Variants in DACT1 observed in about 807,000 individuals in gnomAD.
The protein encoded by DACT1 is dishevelled binding antagonist of beta catenin 1, also known as dapper homolog 1.
Under a neutral mutation model 35.3 loss-of-function variants are expected in DACT1, and 19 were observed. The observed-to-expected ratio is 0.54, with a 90% CI of 0.38 to 0.79. DACT1 has a LOEUF of 0.79. Ranked by LOEUF, DACT1 falls within the 30% of genes least tolerant of loss-of-function variation. The pLI is 0.00. For missense variants in DACT1, 1,143 were observed against 1,057.5 expected, an observed-to-expected ratio of 1.08 and a Z score of -1.12; for synonymous variants, 545 against 466.7, an observed-to-expected ratio of 1.17 and a Z score of -2.16.
chr14:58,637,386 C>G (rs1443494128), upstream of DACT1, among the ~76,000 whole-genome samples: 1 of 152,254 alleles, frequency 6.6e-6, no homozygotes, highest in Non-Finnish European at 1.5e-5. Context: ...TTTTAGAACA[C>G]TGCATTGTGC....
Position 58,638,250 on chromosome 14 carries a change from G to T in DACT1, c.48G>T (p.Ala16=), listed in dbSNP as rs1216057815. 7.3e-7 allele frequency: 1 copy of T among 1,365,696 alleles called. No homozygotes were observed. Among genetic ancestry groups the T allele is most frequent in the Non-Finnish European group, 9.4e-7 (1 of 1,059,788 alleles). 84.6% of individuals were successfully genotyped at this position (1,365,696 alleles called of 1,614,324 possible). The change falls in exon 1 of 4, where the codon GCG becomes GCT. Residue 16 remains alanine, a synonymous_variant. Coordinates refer to ENST00000395153, the MANE Select transcript of DACT1 (RefSeq NM_001079520.2). ...AGTAKELEPP[A]PARGEQRTAE... ...CGGCGAAGGAGCTGGAGCCTCCGGC[G>T]CCGGCCCGAGGCGAGCAGCGCACGG...
intron 1 of DACT1, among the ~76,000 whole-genome samples, chr14:58,640,527 T>C (rs946229634): frequency 4.6e-5 from 7 of 152,246 alleles, no homozygotes; most frequent in Non-Finnish European, 1.0e-4. Flanking sequence ...AGAAACTTTA[T>C]ATCACCACAA....
At position 58,641,622 on chromosome 14, in the gene DACT1, G is replaced by A. The variant is rs2047627538; in HGVS notation, c.509G>A (p.Gly170Glu). Residue 170 changes from glycine to glutamate, a missense_variant, in exon 3 of 4, where the codon GGA becomes GAA. Transcript: ENST00000395153. Reference protein sequence around the residue: ...GFYELSDGASGSLSNSSNSVF... With the variant: ...GFYELSDGASESLSNSSNSVF... ...TATGAGCTGAGTGATGGGGCTTCAG[G>A]ATCCCTTTCCAATTCCTCTAACTCG... 1 of 1,613,958 alleles carries A rather than the reference G, an allele frequency of 6.2e-7. No individual in the cohort carries two copies. Among genetic ancestry groups the A allele is most frequent in the Non-Finnish European group, 8.5e-7 (1 of 1,180,008 alleles).
At chr14:58,643,846 A>G (rs1230306532) in intron 3 of DACT1, among the ~76,000 whole-genome samples, 1 of 152,018 alleles carries the variant, frequency 6.6e-6, no homozygotes, top group Non-Finnish European at 1.5e-5. Context: ...GAAGGATGTT[A>G]GCTAGAGAGG....
At position 58,647,240 on chromosome 14, in the gene DACT1, C is replaced by A; in HGVS notation, c.*106C>A. ...TTTTGTATAATACTTTAATGGAATGCTTTTTAAAAAAATATAAAACCAAGG... is the reference window on the plus strand; with the variant it reads ...TTTTGTATAATACTTTAATGGAATGATTTTTAAAAAAATATAAAACCAAGG... On this transcript the variant is annotated 3_prime_UTR_variant, in exon 4 of 4. Coordinates refer to ENST00000395153, the MANE Select transcript of DACT1 (RefSeq NM_001079520.2). 1.5e-6 allele frequency: 2 copies of A among 1,334,606 alleles called. No individual in the cohort carries two copies. Among genetic ancestry groups the A allele is most frequent in the Non-Finnish European group, 2.1e-6 (2 of 963,610 alleles). 82.7% of individuals were successfully genotyped at this position (1,334,606 alleles called of 1,614,324 possible). A position where few individuals can be genotyped will look rare whatever the true frequency, so the allele number is the denominator to read the frequency against.
chr14:58,638,219 C>A lies in DACT1; in HGVS notation c.17C>A (p.Ala6Asp). ...CTGGGGGCCATGAAGCCGAGTCCGG[C>A]CGGGACGGCGAAGGAGCTGGAGCCT... is the stretch of plus-strand genomic sequence containing the variant. Reference protein sequence around the residue: MKPSPAGTAKELEPPA... With the variant: MKPSPDGTAKELEPPA... Residue 6 changes from alanine to aspartate, a missense_variant, in exon 1 of 4, where the codon GCC (alanine) becomes GAC (aspartate). Ala to Asp is a moderately radical substitution (Grantham distance 126). Coordinates refer to ENST00000395153, the MANE Select transcript of DACT1 (RefSeq NM_001079520.2). 1 of 1,347,260 alleles carries A rather than the reference C, an allele frequency of 7.4e-7. No individual in the cohort carries two copies. The highest frequency in any genetic ancestry group is 9.5e-7 in the Non-Finnish European group (1 of 1,050,556). The allele number at this position is 1,347,260 out of a possible 1,614,324, so 83.5% of individuals were successfully genotyped here.
rs1181050774 is a variant in DACT1 at position 58,641,627 on chromosome 14, C to T, written c.514C>T (p.Leu172Phe). Residue 172 changes from leucine to phenylalanine, a missense_variant, in exon 3 of 4, where the codon CTT (leucine) becomes TTT (phenylalanine). By Grantham distance (22) the Leu-to-Phe change is conservative (BLOSUM62 0). Around this residue, in one of 3 missense-constraint regions of DACT1, gnomAD observed 1,054 missense variants for 958.8 expected, o/e 1.10. Transcript: ENST00000395153. ...GCTGAGTGATGGGGCTTCAGGATCC[C>T]TTTCCAATTCCTCTAACTCGGTGTT... ...YELSDGASGS[L>F]SNSSNSVFSE... 6.2e-7 allele frequency: 1 copy of T among 1,614,092 alleles called. No homozygotes were observed. The highest frequency in any genetic ancestry group is 8.5e-7 in the Non-Finnish European group (1 of 1,180,010).
rs375472713 is a variant in DACT1, at chr14:58,645,342, A to G, written c.635-27A>G. Reference sequence around the variant, plus strand: ...GTTTGCCGTTCCCTCTCCACACCACAATTTAATTCCCTTGATGTCATTGCA... The same window carrying G: ...GTTTGCCGTTCCCTCTCCACACCACGATTTAATTCCCTTGATGTCATTGCA... On this transcript the variant is annotated intron_variant, in intron 3 of 3. Coordinates refer to ENST00000395153, the MANE Select transcript of DACT1 (RefSeq NM_001079520.2). 41 of 1,614,082 alleles carry G rather than the reference A, an allele frequency of 2.5e-5. No individual in the cohort carries two copies. The highest frequency in any genetic ancestry group is 3.3e-5 in the Admixed American group (2 of 60,000).
chr14:58,638,786 G>C, intron 1 of DACT1: 1 of 1,190,406 alleles, frequency 8.4e-7, no homozygotes, highest in Non-Finnish European at 1.0e-6. Flanking sequence ...CGCGCGGATT[G>C]CGGGAAGGGG....
At position 58,646,485 on chromosome 14, in the gene DACT1, A is replaced by G. The variant is rs2047684497; in HGVS notation, c.1751A>G (p.Asn584Ser). 1.3e-6 allele frequency: 2 copies of G among 1,566,880 alleles called. No individual in the cohort carries two copies. The highest frequency in any genetic ancestry group is 1.7e-4 in the Middle Eastern group (1 of 5,956). Reference protein sequence around the residue: ...KCRFPDDLDTNKKLKKASSKG... With the variant: ...KCRFPDDLDTSKKLKKASSKG... ...CGCTTCCCAGATGACTTGGATACAA[A>G]TAAGAAACTCAAGAAAGCCTCCTCC... is the stretch of plus-strand genomic sequence containing the variant. Residue 584 changes from asparagine to serine, a missense_variant, in exon 4 of 4, where the codon AAT becomes AGT. By Grantham distance (46) the Asn-to-Ser change is conservative. Around this residue, in one of 3 missense-constraint regions of DACT1, gnomAD observed 1,054 missense variants for 958.8 expected, o/e 1.10. Transcript: ENST00000395153.
chr14:58,638,422 C>T lies in DACT1; in HGVS notation c.220C>T (p.Arg74Cys), dbSNP rs899629060. The change falls in exon 1 of 4, where the codon CGC becomes TGC. Residue 74 changes from arginine to cysteine, a missense_variant. Around this residue, in one of 3 missense-constraint regions of DACT1, gnomAD observed 1,054 missense variants for 958.8 expected, o/e 1.10. Coordinates refer to ENST00000395153, the MANE Select transcript of DACT1 (RefSeq NM_001079520.2). ...RQELLVRGAL[R>C]GAGGAGAAAP... is the part of the protein sequence containing the mutation. ...AGAGCTGCTGGTCAGGGGCGCCCTG[C>T]GCGGCGCCGGGGGTGCGGGAGCCGC... The T allele has an allele frequency of 6.8e-6, 9 of 1,314,724 alleles. No individual in the cohort carries two copies. The highest frequency in any genetic ancestry group is 3.0e-5 in the East Asian group (1 of 33,712). 81.4% of individuals were successfully genotyped at this position (1,314,724 alleles called of 1,614,324 possible). A position where few individuals can be genotyped will look rare whatever the true frequency, so the allele number is the denominator to read the frequency against.
rs760332340 is a variant in DACT1, at chr14:58,646,051, G to A, written c.1317G>A (p.Lys439=). 1.2e-6 allele frequency: 2 copies of A among 1,614,082 alleles called. No homozygotes were observed. Among genetic ancestry groups the A allele is most frequent in the East Asian group, 4.5e-5 (2 of 44,878 alleles). The change falls in exon 4 of 4, where the codon AAG becomes AAA. Residue 439 remains lysine (K), a synonymous_variant. Transcript: ENST00000395153. ...CSAIGTGESP[K]ESAQLSGASP... is the part of the protein sequence containing the mutation. ...CCATTGGGACAGGGGAGTCCCCTAAGGAAAGCGCTCAGCTCTCAGGGGCCT... is the reference window on the plus strand; with the variant it reads ...CCATTGGGACAGGGGAGTCCCCTAAAGAAAGCGCTCAGCTCTCAGGGGCCT...
At position 58,641,737 on chromosome 14, in the gene DACT1, C is replaced by G. The variant is rs1595597526; in HGVS notation, c.624C>G (p.Pro208=). ...EATLSLSDGC[P]KSADVNPKYQ... ...CCTTGAGTCTCTCAGATGGTTGCCC[C>G]AAATCTGCAGGTAAGAATTTTTAGC... Residue 208 remains proline, a synonymous_variant, in exon 3 of 4, where the codon CCC becomes CCG. Coordinates refer to ENST00000395153, the MANE Select transcript of DACT1 (RefSeq NM_001079520.2). The G allele has an allele frequency of 6.2e-7, 1 of 1,613,054 alleles. No individual in the cohort carries two copies. The highest frequency in any genetic ancestry group is 8.5e-7 in the Non-Finnish European group (1 of 1,179,776).
In DACT1 at chr14:58,645,963, T is replaced by C; in HGVS notation, c.1229T>C (p.Leu410Pro). The C allele has an allele frequency of 6.2e-7, 1 of 1,613,832 alleles. No homozygotes were observed. The highest frequency in any genetic ancestry group is 8.5e-7 in the Non-Finnish European group (1 of 1,180,006). Residue 410 changes from leucine (L) to proline (P), a missense_variant, in exon 4 of 4, where the codon CTT (leucine) becomes CCT (proline). Leu to Pro is a moderately conservative substitution (Grantham distance 98). Coordinates refer to ENST00000395153, the MANE Select transcript of DACT1 (RefSeq NM_001079520.2). ...TGCCCCTCAGGCGCTGCCTCCGACC[T>C]TCAGAGTAAGCACCTGCCAAAAACG... The part of the protein sequence containing the change: ...EGCPSGAASD[L>P]QSKHLPKTAK...
rs775769754 is a variant in DACT1, at chr14:58,646,526, G to A, written c.1792G>A (p.Gly598Arg). Residue 598 changes from glycine to arginine, a missense_variant, in exon 4 of 4, where the codon GGG (glycine) becomes AGG (arginine). By Grantham distance (125) the Gly-to-Arg change is moderately radical (BLOSUM62 -2). Coordinates refer to ENST00000395153, the MANE Select transcript of DACT1 (RefSeq NM_001079520.2). ...KKASSKGRKS[G>R]GGPEAGVPGR... ...AGCCTCCTCCAAGGGGAGGAAGAGTGGGGGCGGGCCCGAGGCTGGTGTTCC... is the reference window on the plus strand; with the variant it reads ...AGCCTCCTCCAAGGGGAGGAAGAGTAGGGGCGGGCCCGAGGCTGGTGTTCC... 3.9e-6 allele frequency: 6 copies of A among 1,557,858 alleles called. No homozygotes were observed. The highest frequency in any genetic ancestry group is 4.2e-5 in the Admixed American group (2 of 48,016).
upstream of DACT1, among the ~76,000 whole-genome samples, chr14:58,634,544 G>C (rs2047561838): frequency 6.6e-6 from 1 of 152,168 alleles, no homozygotes; most frequent in African/African-American, 2.4e-5. Context: ...TTTGATGTCT[G>C]GCTGGGGCTT....
chr14:58,638,373 G>A lies in DACT1; in HGVS notation c.171G>A (p.Glu57=). 7.7e-7 allele frequency: 1 copy of A among 1,304,446 alleles called. No homozygotes were observed. The highest frequency in any genetic ancestry group is 9.7e-7 in the Non-Finnish European group (1 of 1,030,024). 80.8% of individuals were successfully genotyped at this position (1,304,446 alleles called of 1,614,324 possible). ...AGGCCACGCTGGCCGGGCTGGCGGAGCTGGAGTACCTGCGCCAGCGCCAAG... is the reference window on the plus strand; with the variant it reads ...AGGCCACGCTGGCCGGGCTGGCGGAACTGGAGTACCTGCGCCAGCGCCAAG... ...RQEATLAGLA[E]LEYLRQRQEL... Residue 57 remains glutamate, a synonymous_variant, in exon 1 of 4, where the codon GAG becomes GAA. Coordinates refer to ENST00000395153, the MANE Select transcript of DACT1 (RefSeq NM_001079520.2).
chr14:58,636,612 G>A (rs2047573960), upstream of DACT1, among the ~76,000 whole-genome samples: 1 of 152,166 alleles, frequency 6.6e-6, no homozygotes, highest in African/African-American at 2.4e-5. Flanking sequence ...AGAGAGGGGA[G>A]GAAAGAAGAG....
chr14:58,638,614 T>G, intron 1 of DACT1, 67 bp downstream of exon 1: 1 of 1,276,488 alleles, frequency 7.8e-7, no homozygotes, highest in African/African-American at 1.5e-5. Context: ...GCAGGTGGCC[T>G]GGGGCGGGCG....
Sources: gnomAD v4.1 joint callset for allele counts (sites outside exome capture counted in the v4.1 genomes callset) on GRCh38, gnomAD v4.1.1 for gene constraint, gnomAD v4.1.1 regional missense constraint, MANE v1.5 for transcripts, NCBI Gene and HGNC (gene_info 2026-07-23, HGNC 2026-07-21) for gene names.